Variants in THSD4 observed in about 807,000 individuals in gnomAD.
THSD4 encodes the protein thrombospondin type 1 domain containing 4, also known as thrombospondin type-1 domain-containing protein 4.
A neutral mutation model predicts 119.0 loss-of-function variants in THSD4; 69 were observed. The observed-to-expected ratio is 0.58, with a 90% CI of 0.48 to 0.71. The LOEUF (loss-of-function observed/expected upper bound fraction) is 0.71. Ranked by LOEUF, THSD4 falls within the 30% of genes least tolerant of loss-of-function variation. THSD4 has a pLI of 0.00. For missense variants in THSD4, 1,393 were observed against 1,391.1 expected, an observed-to-expected ratio of 1.00 and a Z score of -0.02; for synonymous variants, 524 against 540.4, an observed-to-expected ratio of 0.97 and a Z score of 0.42.
chr15:71,475,096 A>G (rs1373447014), intron 7 of THSD4, among the ~76,000 whole-genome samples: 2 of 152,196 alleles, frequency 1.3e-5, no homozygotes, highest in Non-Finnish European at 2.9e-5. Context: ...CTCAAGTTTG[A>G]GACTCCCTGC....
rs1023418058 is a variant in THSD4 at position 71,771,175 on chromosome 15, T to C, written c.2881T>C (p.Ser961Pro). 6.2e-7 allele frequency: 1 copy of C among 1,614,102 alleles called. No individual in the cohort carries two copies. Among genetic ancestry groups the C allele is most frequent in the East Asian group, 2.2e-5 (1 of 44,870 alleles). ...TCAGTTGAAACCAGAAGAGAGAGAA[T>C]CTTGTAACCCTCAGGACTGTGTCCC... The part of the protein sequence containing the change: ...DPQLKPEERE[S>P]CNPQDCVPEV... Residue 961 changes from serine to proline, a missense_variant, in exon 17 of 18, where the codon TCT becomes CCT. Ser to Pro is a moderately conservative substitution (Grantham distance 74). Coordinates refer to ENST00000261862, the MANE Select transcript of THSD4 (RefSeq NM_024817.3).
intron 7 of THSD4, among the ~76,000 whole-genome samples, chr15:71,483,922 C>A (rs146107459): frequency 4.6e-5 from 7 of 152,106 alleles, no homozygotes; most frequent in Admixed American, 1.3e-4. Context: ...GTAAAGGACA[C>A]GATCTCGTTC....
At position 71,547,216 on chromosome 15, in the gene THSD4, T is replaced by G. The variant is rs1046611380; in HGVS notation, c.1153-113314T>G. ...CGGGAGAAGTTATTACATGAAGAGA[T>G]CAGCTTACCAGTTTTCTTCAGAACA... On this transcript the variant is annotated intron_variant, in intron 7 of 17. Transcript: ENST00000261862. 2.2e-6 allele frequency: 3 copies of G among 1,366,244 alleles called. No homozygotes were observed. The African/African-American group carries it at 4.5e-5, about 20-fold the overall frequency. 84.6% of individuals were successfully genotyped at this position (1,366,244 alleles called of 1,614,324 possible).
chr15:71,719,073 T>A (rs566400965), intron 8 of THSD4, among the ~76,000 whole-genome samples: 3 of 152,240 alleles, frequency 2.0e-5, no homozygotes, highest in Non-Finnish European at 2.9e-5. Context: ...CACACAAACT[T>A]TCTTTAAAGT....
intron 7 of THSD4, among the ~76,000 whole-genome samples, chr15:71,522,180 C>T (rs1361129819): frequency 6.6e-6 from 1 of 152,152 alleles, no homozygotes; most frequent in East Asian, 1.9e-4. Context: ...AATGGCAAAG[C>T]CTGGCCTTGA....
intron 7 of THSD4, among the ~76,000 whole-genome samples, chr15:71,497,325 C>A (rs2048035007): frequency 6.6e-6 from 1 of 152,032 alleles, no homozygotes. Flanking sequence ...CCAGCCTGGC[C>A]AATGTGGCAA....
At chr15:71,174,265 C>T (rs1333871170) in intron 3 of THSD4, among the ~76,000 whole-genome samples, 1 of 152,164 alleles carries the variant, frequency 6.6e-6, no homozygotes, top group South Asian at 2.1e-4. Flanking sequence ...GAGTGCCAGA[C>T]AGTGGGCGCA....
chr15:71,542,702 C>G (rs907130329), intron 7 of THSD4, among the ~76,000 whole-genome samples: 2 of 151,720 alleles, frequency 1.3e-5, no homozygotes, highest in Non-Finnish European at 2.9e-5. Context: ...ATGGTGAAAC[C>G]CCATCTCTAC....
chr15:71,123,239 T>C (rs569149060), intron 1 of THSD4, among the ~76,000 whole-genome samples: 1 of 152,358 alleles, frequency 6.6e-6, no homozygotes, highest in South Asian at 2.1e-4. Flanking sequence ...TGTGTGGGCA[T>C]TGCTATGCAG....
chr15:71,722,650 C>T (rs896698078), intron 8 of THSD4, among the ~76,000 whole-genome samples: 2 of 152,060 alleles, frequency 1.3e-5, no homozygotes, highest in Non-Finnish European at 2.9e-5. Context: ...GTACCATGTC[C>T]GTTACATTGA....
chr15:71,518,360 G>A lies in THSD4; in HGVS notation c.1152+106537G>A, dbSNP rs529728642. Among the ~76,000 whole-genome samples the A allele has an allele frequency of 2.6e-5, 4 of 152,238 alleles. No homozygotes were observed. In the South Asian group the frequency reaches 8.3e-4, roughly 32 times the overall value. On this transcript the variant is annotated intron_variant, in intron 7 of 17. Coordinates refer to ENST00000261862, the MANE Select transcript of THSD4 (RefSeq NM_024817.3). ...GATCCACTATTCTCAGGAAAATGAT[G>A]TGATGATCTGCTGTCTTTCTCAGAC...
chr15:71,524,311 T>A (rs1048042033), intron 7 of THSD4, among the ~76,000 whole-genome samples: 1 of 152,222 alleles, frequency 6.6e-6, no homozygotes, highest in Admixed American at 6.5e-5. Flanking sequence ...ACGCTCTGAC[T>A]TTAATAGTCC....
intron 7 of THSD4, among the ~76,000 whole-genome samples, chr15:71,455,174 T>C (rs2047321009): frequency 6.6e-6 from 1 of 152,182 alleles, no homozygotes; most frequent in Non-Finnish European, 1.5e-5. Context: ...AAATGAGGGC[T>C]AGAAAAGAGC....
chr15:71,288,213 G>A lies in THSD4; in HGVS notation c.1015+31498G>A, dbSNP rs1429661605. Among the ~76,000 whole-genome samples, 3 of 152,130 alleles carry A rather than the reference G, an allele frequency of 2.0e-5. No individual in the cohort carries two copies. In the East Asian group the frequency reaches 5.8e-4, roughly 29 times the overall value. ...AACCAGTCCACAGTAAACACTTAAT[G>A]TGAAAAGAGATAACGGCAAACTGGA... On this transcript the variant is annotated intron_variant, in intron 6 of 17. Coordinates refer to ENST00000261862, the MANE Select transcript of THSD4 (RefSeq NM_024817.3).
intron 6 of THSD4, among the ~76,000 whole-genome samples, chr15:71,398,561 G>A (rs1292798331): frequency 6.6e-6 from 1 of 152,110 alleles, no homozygotes; most frequent in Admixed American, 6.6e-5. Flanking sequence ...ATAGCTTGGT[G>A]GTAGAGCCAA....
intron 1 of THSD4, among the ~76,000 whole-genome samples, chr15:71,140,775 GGGT>G (rs1183955082): frequency 6.6e-6 from 1 of 152,114 alleles, no homozygotes; most frequent in Non-Finnish European, 1.5e-5. Flanking sequence ...TATATTCGCA[GGGT>G]TGTACAACCA....
At chr15:71,463,371 C>A (rs1366375138) in intron 7 of THSD4, among the ~76,000 whole-genome samples, 1 of 152,176 alleles carries the variant, frequency 6.6e-6, no homozygotes, top group African/African-American at 2.4e-5. Flanking sequence ...CACCTCCCTG[C>A]CCCCTTCCAG....
At chr15:71,291,878 T>C (rs1463921091) in intron 6 of THSD4, among the ~76,000 whole-genome samples, 1 of 152,148 alleles carries the variant, frequency 6.6e-6, no homozygotes, top group Non-Finnish European at 1.5e-5. Context: ...CCTACTCCAG[T>C]CTGGACTAGT....
At chr15:71,601,696 G>T (rs1192154703) in intron 7 of THSD4, among the ~76,000 whole-genome samples, 1 of 152,198 alleles carries the variant, frequency 6.6e-6, no homozygotes, top group Non-Finnish European at 1.5e-5. Context: ...GCCCTGTACA[G>T]AGCTACTGAA....
Sources: allele counts gnomAD v4.1 joint callset (sites outside exome capture counted in the v4.1 genomes callset), GRCh38; gene constraint gnomAD v4.1.1; transcripts MANE v1.5; gene names NCBI Gene and HGNC (gene_info 2026-07-23, HGNC 2026-07-21).